CHGB: variants seen among roughly 807,000 people sequenced by gnomAD.
CHGB encodes chromogranin B, also known as secretogranin-1.
CHGB carries 46 observed loss-of-function variants against 69.9 expected under a neutral mutation model. That is an observed-to-expected ratio of 0.66 (90% CI 0.52 to 0.84). The LOEUF is 0.84. Ranked by LOEUF, CHGB falls within the 40% of genes least tolerant of loss-of-function variation. The pLI, the probability that CHGB is intolerant of heterozygous loss-of-function variation, is 0.00. For missense variants in CHGB, 796 were observed against 822.2 expected (o/e 0.97, Z 0.39); for synonymous variants, 312 against 298.2 (o/e 1.05, Z -0.48).
At chr20:5,916,653 G>A (rs1423231381) in intron 2 of CHGB, among the ~76,000 whole-genome samples, 173 bp from the exon 3 acceptor site, 8 of 152,134 alleles carry the variant, frequency 5.3e-5, no homozygotes, top group Non-Finnish European at 1.0e-4. Flanking sequence ...GCATTATTCT[G>A]TGTAGAAGTT....
chr20:5,922,633 G>A lies in CHGB; in HGVS notation c.489G>A (p.Glu163=), dbSNP rs747146728. The change falls in exon 4 of 5, where the codon GAG becomes GAA. Residue 163 remains glutamate, a synonymous_variant. Coordinates refer to ENST00000378961, the MANE Select transcript of CHGB (RefSeq NM_001819.3). ...KTRHSEKSQR[E]DEEEEEGENY... ...GCCATTCTGAGAAGAGCCAGAGAGA[G>A]GATGAGGAGGAGGAGGAGGGAGAGA... 26 of 1,614,080 alleles carry A rather than the reference G, an allele frequency of 1.6e-5. No homozygotes were observed. The Middle Eastern group carries it at 8.2e-4, about 51-fold the overall frequency.
At chr20:5,920,185 GC>G (rs1261081899) in intron 3 of CHGB, among the ~76,000 whole-genome samples, 1 of 152,180 alleles carries the variant, frequency 6.6e-6, no homozygotes, top group Non-Finnish European at 1.5e-5. Context: ...TGCTGCTCAG[GC>G]AGTACATATT....
chr20:5,923,748 A>G lies in CHGB; in HGVS notation c.1604A>G (p.His535Arg), dbSNP rs756713295. ...YYDPLQWKSSHFERRDNMNDN... is the reference protein window; with the variant it reads ...YYDPLQWKSSRFERRDNMNDN... Reference sequence around the variant, plus strand: ...GACCCTCTCCAGTGGAAGAGCAGCCATTTTGAAAGAAGAGACAACATGAAT... The same window carrying G: ...GACCCTCTCCAGTGGAAGAGCAGCCGTTTTGAAAGAAGAGACAACATGAAT... Residue 535 changes from histidine (H) to arginine (R), a missense_variant, in exon 4 of 5, where the codon CAT becomes CGT. Coordinates refer to ENST00000378961, the MANE Select transcript of CHGB (RefSeq NM_001819.3). The G allele has an allele frequency of 2.0e-5, 32 of 1,614,084 alleles. 1 individual carries two copies. The highest frequency in any genetic ancestry group is 2.5e-5 in the Non-Finnish European group (30 of 1,180,036).
At chr20:5,916,103 C>T (rs2088473904) in intron 1 of CHGB, 1 of 574,094 alleles carries the variant, frequency 1.7e-6, no homozygotes, top group East Asian at 2.9e-5. Flanking sequence ...GTAACCAGCA[C>T]TGAGATTAAA....
chr20:5,924,340 G>A (rs1450049768), intron 4 of CHGB, among the ~76,000 whole-genome samples: 3 of 152,164 alleles, frequency 2.0e-5, no homozygotes, highest in African/African-American at 4.8e-5. Flanking sequence ...GCACACTGGG[G>A]TCACCTGGAG....
In CHGB at chr20:5,911,579, C is replaced by T. The variant is rs1485907356; in HGVS notation, c.-55C>T. On this transcript the variant is annotated 5_prime_UTR_variant, in exon 1 of 5. Coordinates refer to ENST00000378961, the MANE Select transcript of CHGB (RefSeq NM_001819.3). ...CATCGCGCCTTCCTCCTGCGCCTCG[C>T]TTCTCCGGTCCAGCCGCCATCTTCC... 6 of 1,508,884 alleles carry T rather than the reference C, an allele frequency of 4.0e-6. No homozygotes were observed. The highest frequency in any genetic ancestry group is 2.3e-4 in the Middle Eastern group (1 of 4,334). 93.5% of individuals were successfully genotyped at this position (1,508,884 alleles called of 1,614,324 possible).
Position 5,919,251 on chromosome 20 carries a change from C to G in CHGB, c.190+2332C>G, listed in dbSNP as rs552611624. 7.2e-5 allele frequency among the ~76,000 whole-genome samples: 11 copies of G among 152,304 alleles called. No individual in the cohort carries two copies. The East Asian group carries it at 1.9e-3, about 27-fold the overall frequency. ...TAGTAACTCTAGCCTCTGCTCCAGC[C>G]CTGATTATGCCCTGAGGTCTTTTGG... On this transcript the variant is annotated intron_variant, in intron 3 of 4. Coordinates refer to ENST00000378961, the MANE Select transcript of CHGB (RefSeq NM_001819.3).
At position 5,923,226 on chromosome 20, in the gene CHGB, G is replaced by A. The variant is rs201387389; in HGVS notation, c.1082G>A (p.Arg361His). ...VQAPEDLEWE[R>H]YRGRGSEEYR... ...GCCCCTGAGGACCTGGAGTGGGAGC[G>A]CTATAGGGGCAGAGGAAGTGAAGAA... The change falls in exon 4 of 5, where the codon CGC becomes CAC. Residue 361 changes from arginine to histidine, a missense_variant. By Grantham distance (29) the Arg-to-His change is conservative. This residue lies in a region of CHGB where 518 missense variants were observed against 506.3 expected (regional missense o/e 1.02). Coordinates refer to ENST00000378961, the MANE Select transcript of CHGB (RefSeq NM_001819.3). The A allele has an allele frequency of 5.9e-5, 96 of 1,613,666 alleles. No homozygotes were observed. The highest frequency in any genetic ancestry group is 4.7e-4 in the East Asian group (21 of 44,872).
At chr20:5,915,231 A>G (rs74611677) in intron 1 of CHGB, among the ~76,000 whole-genome samples, 5,310 of 152,340 alleles carry the variant, frequency 0.035, 302 homozygotes, top group African/African-American at 0.12. Context: ...AGACAGAAAA[A>G]AAATGGCACT....
intron 4 of CHGB, 67 bp from the exon 5 acceptor site, chr20:5,924,905 C>T (rs2088540949): frequency 2.1e-6 from 2 of 935,906 alleles, no homozygotes; most frequent in East Asian, 2.4e-5. Context: ...TGCACTCATG[C>T]TCCATCAAAC....
chr20:5,917,369 T>C lies in CHGB; in HGVS notation c.190+450T>C, dbSNP rs2088481737. 2.5e-5 allele frequency: 4 copies of C among 160,146 alleles called. No homozygotes were observed. The South Asian group carries it at 7.1e-4, about 28-fold the overall frequency. The allele number at this position is 160,146 out of a possible 1,614,324, so 9.9% of individuals were successfully genotyped here. A position where few individuals can be genotyped will look rare whatever the true frequency, so the allele number is the denominator to read the frequency against. ...AATCATTCTTCTCTTTGCCTTTTGC[T>C]CTTCTGACAGTGAGAATCAGGAAGC... On this transcript the variant is annotated intron_variant, in intron 3 of 4. Coordinates refer to ENST00000378961, the MANE Select transcript of CHGB (RefSeq NM_001819.3).
intron 2 of CHGB, 85 bp from the exon 3 acceptor site, chr20:5,916,741 G>C: frequency 8.1e-7 from 1 of 1,238,990 alleles, no homozygotes; most frequent in Non-Finnish European, 1.2e-6. Context: ...ACGTAATCAA[G>C]TCTTCCTTGA....
chr20:5,922,483 A>G lies in CHGB; in HGVS notation c.339A>G (p.Gln113=). ...GAGCCCCAGGGGAGGAGGACATCCA[A>G]GGCCCAACAAAGGCAGACACAGAGA... ...EAGAPGEEDI[Q]GPTKADTEKW... Residue 113 remains glutamine (Q), a synonymous_variant, in exon 4 of 5, where the codon CAA becomes CAG. Transcript: ENST00000378961. 1 of 1,613,492 alleles carries G rather than the reference A, an allele frequency of 6.2e-7. No homozygotes were observed. Among genetic ancestry groups the G allele is most frequent in the Non-Finnish European group, 8.5e-7 (1 of 1,179,620 alleles).
chr20:5,918,882 G>A (rs2088496210), intron 3 of CHGB, among the ~76,000 whole-genome samples: 1 of 145,262 alleles, frequency 6.9e-6, no homozygotes, highest in African/African-American at 2.5e-5. Flanking sequence ...GGGGGCTTCA[G>A]GTAACAATGG....
At position 5,922,316 on chromosome 20, in the gene CHGB, C is replaced by T. The variant is rs373246189; in HGVS notation, c.191-19C>T. The T allele has an allele frequency of 7.3e-6, 11 of 1,512,834 alleles. No homozygotes were observed. The highest frequency in any genetic ancestry group is 8.9e-6 in the Non-Finnish European group (10 of 1,129,728). 93.7% of individuals were successfully genotyped at this position (1,512,834 alleles called of 1,614,324 possible). A position where few individuals can be genotyped will look rare whatever the true frequency, so the allele number is the denominator to read the frequency against. ...ACAAGCAATTCTGAAATTATACCTA[C>T]TCTTCATTTTCATTATAGGTAGAAA... On this transcript the variant is annotated intron_variant, in intron 3 of 4. Coordinates refer to ENST00000378961, the MANE Select transcript of CHGB (RefSeq NM_001819.3).
At position 5,921,681 on chromosome 20, in the gene CHGB, T is replaced by G. The variant is rs140764405; in HGVS notation, c.191-654T>G. Among the ~76,000 whole-genome samples, 1,164 of 152,348 alleles carry G rather than the reference T, an allele frequency of 7.6e-3. 18 individuals carry two copies. Among genetic ancestry groups the G allele is most frequent in the African/African-American group, 0.027 (1,114 of 41,580 alleles). ...TGAAGAAAGAAATGGCCCTTTCCAC[T>G]GATGTGCAGTTTTCTCAGGCAAGAA... On this transcript the variant is annotated intron_variant, in intron 3 of 4. Coordinates refer to ENST00000378961, the MANE Select transcript of CHGB (RefSeq NM_001819.3).
chr20:5,925,136 C>A lies in CHGB; in HGVS notation c.*87C>A. On this transcript the variant is annotated 3_prime_UTR_variant, in exon 5 of 5. Transcript: ENST00000378961. ...TTCACTGAAAGACACCATTTATCTA[C>A]CCAAGGGCAGAAAGTAGAACTTACT... is the stretch of plus-strand genomic sequence containing the variant. The A allele has an allele frequency of 1.3e-6, 1 of 785,820 alleles. No individual in the cohort carries two copies. Among genetic ancestry groups the A allele is most frequent in the Non-Finnish European group, 2.1e-6 (1 of 473,334 alleles). The allele number at this position is 785,820 out of a possible 1,614,324, so 48.7% of individuals were successfully genotyped here. A position where few individuals can be genotyped will look rare whatever the true frequency, so the allele number is the denominator to read the frequency against.
chr20:5,911,694 C>T lies in CHGB; in HGVS notation c.49+12C>T. Reference sequence around the variant, plus strand: ...CGTGGGGCTGGCGGGTGAGTGGGCGCGGCGGGCCGGTCAGCACCGCGGACA... The same window carrying T: ...CGTGGGGCTGGCGGGTGAGTGGGCGTGGCGGGCCGGTCAGCACCGCGGACA... On this transcript the variant is annotated intron_variant, in intron 1 of 4. Coordinates refer to ENST00000378961, the MANE Select transcript of CHGB (RefSeq NM_001819.3). The T allele has an allele frequency of 1.4e-6, 2 of 1,451,686 alleles. No individual in the cohort carries two copies. Among genetic ancestry groups the T allele is most frequent in the South Asian group, 2.8e-5 (2 of 72,392 alleles). The allele number at this position is 1,451,686 out of a possible 1,614,324, so 89.9% of individuals were successfully genotyped here.
Position 5,922,298 on chromosome 20 carries a change from A to G in CHGB, c.191-37A>G, listed in dbSNP as rs1167681902. 8.7e-6 allele frequency: 13 copies of G among 1,502,426 alleles called. No individual in the cohort carries two copies. In the Admixed American group the frequency reaches 2.9e-4, roughly 34 times the overall value. The allele number at this position is 1,502,426 out of a possible 1,614,324, so 93.1% of individuals were successfully genotyped here. A position where few individuals can be genotyped will look rare whatever the true frequency, so the allele number is the denominator to read the frequency against. On this transcript the variant is annotated intron_variant, in intron 3 of 4. Coordinates refer to ENST00000378961, the MANE Select transcript of CHGB (RefSeq NM_001819.3). The stretch of plus-strand genomic sequence containing the variant: ...GCTGGTGCTTGTGGAACCACAAGCA[A>G]TTCTGAAATTATACCTACTCTTCAT...
Sources: gnomAD v4.1 joint callset for allele counts (sites outside exome capture counted in the v4.1 genomes callset) on GRCh38, gnomAD v4.1.1 for gene constraint, gnomAD v4.1.1 regional missense constraint, MANE v1.5 for transcripts, NCBI Gene and HGNC (gene_info 2026-07-23, HGNC 2026-07-21) for gene names.